The following CRACR2A variants were observed in gnomAD, a reference collection of about 807,000 sequenced individuals.
The protein encoded by CRACR2A is calcium release activated channel regulator 2A, also known as EF-hand calcium-binding domain-containing protein 4B.
In CRACR2A, 79 loss-of-function variants were observed where a neutral mutation model predicts 90.5. The ratio of observed to expected loss-of-function variants is 0.87; its 90% CI spans 0.73 to 1.05. The LOEUF is 1.05. CRACR2A is among the 50% of genes least tolerant of loss of function. The pLI, the probability that CRACR2A is intolerant of heterozygous loss-of-function variation, is 0.00. For missense variants in CRACR2A, 823 were observed against 897.2 expected (o/e 0.92, Z 1.06); for synonymous variants, 338 against 356.7 (o/e 0.95, Z 0.59).
chr12:3,747,459 C>A (rs370289583), intron 1 of CRACR2A, among the ~76,000 whole-genome samples: 2 of 152,336 alleles, frequency 1.3e-5, no homozygotes, highest in East Asian at 3.9e-4. Context: ...ACCAATCCAA[C>A]CCTCTATCCC....
chr12:3,627,594 C>G, intron 16 of CRACR2A, 31 bp downstream of exon 16: 1 of 1,551,674 alleles, frequency 6.4e-7, no homozygotes, highest in Non-Finnish European at 8.7e-7. Flanking sequence ...GGCCTTCCCT[C>G]TGGAGCCCAG....
chr12:3,712,496 G>A (rs1565498375), intron 3 of CRACR2A, among the ~76,000 whole-genome samples: 1 of 152,054 alleles, frequency 6.6e-6, no homozygotes, highest in Non-Finnish European at 1.5e-5. Flanking sequence ...ACAGTTGGGG[G>A]TGAGGTACCA....
At chr12:3,747,432 C>T (rs1392071045) in intron 1 of CRACR2A, among the ~76,000 whole-genome samples, 1 of 152,140 alleles carries the variant, frequency 6.6e-6, no homozygotes, top group Non-Finnish European at 1.5e-5. Context: ...GGAAGCTGGC[C>T]TCCCTCCCGC....
At chr12:3,676,103 TC>T (rs1489354422) in intron 6 of CRACR2A, among the ~76,000 whole-genome samples, 1 of 150,430 alleles carries the variant, frequency 6.6e-6, no homozygotes, top group Non-Finnish European at 1.5e-5. Context: ...ATTTAGACCA[TC>T]CATCCATCCA....
chr12:3,658,399 G>C (rs1412620465), intron 8 of CRACR2A, among the ~76,000 whole-genome samples: 2 of 152,114 alleles, frequency 1.3e-5, no homozygotes, highest in African/African-American at 4.8e-5. Context: ...GGTGGGGTGG[G>C]GAGCTGCTGT....
chr12:3,688,241 T>C (rs1945598808), intron 4 of CRACR2A, among the ~76,000 whole-genome samples: 1 of 152,244 alleles, frequency 6.6e-6, no homozygotes, highest in Non-Finnish European at 1.5e-5. Context: ...GCTTTTGGCA[T>C]CTTCCTCATG....
chr12:3,630,629 T>C (rs904798859), intron 15 of CRACR2A, among the ~76,000 whole-genome samples: 2 of 152,196 alleles, frequency 1.3e-5, no homozygotes, highest in Non-Finnish European at 2.9e-5. Context: ...AGGGAGATCC[T>C]CTATTGTGGA....
intron 7 of CRACR2A, among the ~76,000 whole-genome samples, chr12:3,661,990 TAA>T (rs1945047661): frequency 6.6e-6 from 1 of 152,218 alleles, no homozygotes; most frequent in African/African-American, 2.4e-5. Flanking sequence ...TAACACACTC[TAA>T]GTTTTTCATG....
In CRACR2A at chr12:3,641,739, G is replaced by T. The variant is rs756529583; in HGVS notation, c.1264C>A (p.Leu422Ile). Residue 422 changes from leucine to isoleucine, a missense_variant, in exon 13 of 20, where the codon CTT becomes ATT. Coordinates refer to ENST00000440314, the MANE Select transcript of CRACR2A (RefSeq NM_001144958.2). Reference sequence around the variant, plus strand: ...CAAGTGGAGATGACTTACCTCCTAAGAATCCCTCTGCTGTCCACATATTTG... The same window carrying T: ...CAAGTGGAGATGACTTACCTCCTAATAATCCCTCTGCTGTCCACATATTTG... The part of the protein sequence containing the change: ...IGKYVDSRGI[L>I]RSQSEEEEEV... 3 of 1,551,560 alleles carry T rather than the reference G, an allele frequency of 1.9e-6. No homozygotes were observed. In the South Asian group the frequency reaches 3.6e-5, roughly 18 times the overall value.
At chr12:3,681,443 G>C (rs1040030725) in intron 4 of CRACR2A, among the ~76,000 whole-genome samples, 7 of 152,234 alleles carry the variant, frequency 4.6e-5, no homozygotes, top group African/African-American at 1.7e-4. Flanking sequence ...CAAGAGCAAA[G>C]CAGCTGAGCT....
At chr12:3,698,537 A>G (rs1167850599) in intron 3 of CRACR2A, among the ~76,000 whole-genome samples, 3 of 152,224 alleles carry the variant, frequency 2.0e-5, no homozygotes, top group Non-Finnish European at 4.4e-5. Context: ...AACTTCATGT[A>G]ATAAGGCCTT....
Position 3,633,584 on chromosome 12 carries a change from C to T in CRACR2A, c.1735+20G>A. 6.4e-7 allele frequency: 1 copy of T among 1,551,658 alleles called. No homozygotes were observed. The highest frequency in any genetic ancestry group is 8.7e-7 in the Non-Finnish European group (1 of 1,146,968). ...TTCCCAAAGATGGGCCTAGGACCCA[C>T]CTCAGGGATGAGAACTCACCCACAG... On this transcript the variant is annotated intron_variant, in intron 15 of 19. Transcript: ENST00000440314. This position sits in a 1 kb window ranked among gnomAD's most constrained non-coding sequence, Gnocchi z 4.5.
At chr12:3,647,917 G>A in intron 11 of CRACR2A, 11 of 985,460 alleles carry the variant, frequency 1.1e-5, no homozygotes, top group Non-Finnish European at 1.3e-5. Context: ...GTCTTTCTGA[G>A]GAGGGGAGGG....
rs200120449 is a variant in CRACR2A, at chr12:3,656,406, C to G, written c.763G>C (p.Asp255His). 15 of 1,614,042 alleles carry G rather than the reference C, an allele frequency of 9.3e-6. No homozygotes were observed. Among genetic ancestry groups the G allele is most frequent in the Non-Finnish European group, 1.2e-5 (14 of 1,180,018 alleles). The change falls in exon 9 of 20, where the codon GAC (aspartate) becomes CAC (histidine). Residue 255 changes from aspartate (D) to histidine (H), a missense_variant and splice_region_variant. Transcript: ENST00000440314. ...KSEKEQFLLK[D>H]TERFQARSQE... is the part of the protein sequence containing the mutation. ...CTGCGGGCTTGAAACCTCTCTGTGT[C>G]CTGCCAAGCCAGAAAGAGGGACACA...
At chr12:3,720,680 G>A (rs1946156932) in intron 2 of CRACR2A, among the ~76,000 whole-genome samples, 2 of 152,070 alleles carry the variant, frequency 1.3e-5, no homozygotes, top group Admixed American at 6.5e-5. Flanking sequence ...TCCCTACCCC[G>A]AGCTTTTTGG....
At chr12:3,740,123 C>G (rs902431167) in intron 1 of CRACR2A, among the ~76,000 whole-genome samples, 1 of 152,046 alleles carries the variant, frequency 6.6e-6, no homozygotes, top group Non-Finnish European at 1.5e-5. Flanking sequence ...CCAGGGCTCT[C>G]CTTTCAACTA....
intron 12 of CRACR2A, 58 bp from the exon 13 acceptor site, chr12:3,641,896 A>G: frequency 6.8e-7 from 1 of 1,460,874 alleles, no homozygotes; most frequent in Non-Finnish European, 9.4e-7. Flanking sequence ...GTTTGAACAG[A>G]AAAGGGCTCA....
At chr12:3,645,698 G>A (rs1026232548) in intron 11 of CRACR2A, among the ~76,000 whole-genome samples, 4 of 152,154 alleles carry the variant, frequency 2.6e-5, no homozygotes, top group African/African-American at 4.8e-5. Context: ...GGAACAGCAC[G>A]GGGAAAAGGC....
chr12:3,705,756 C>A lies in CRACR2A; in HGVS notation c.-37+7481G>T, dbSNP rs186606709. 4.5e-3 allele frequency among the ~76,000 whole-genome samples: 686 copies of A among 152,324 alleles called. 2 individuals carry two copies. Among genetic ancestry groups the A allele is most frequent in the Middle Eastern group, 0.01 (3 of 294 alleles). On this transcript the variant is annotated intron_variant, in intron 3 of 19. Coordinates refer to ENST00000440314, the MANE Select transcript of CRACR2A (RefSeq NM_001144958.2). The stretch of plus-strand genomic sequence containing the variant: ...TGAGTGCCGTCTTGTGGAACAGACC[C>A]CTTAAACTGTGGGGTCCGCACTAAC...
Sources: gnomAD v4.1 joint callset for allele counts (sites outside exome capture counted in the v4.1 genomes callset) on GRCh38, gnomAD v4.1.1 for gene constraint, Gnocchi (gnomAD v3.1) non-coding constraint, MANE v1.5 for transcripts, NCBI Gene and HGNC (gene_info 2026-07-23, HGNC 2026-07-21) for gene names.